The following DHX38 variants were observed in gnomAD, a reference collection of about 807,000 sequenced individuals.
DHX38 encodes DEAH-box helicase 38, also known as pre-mRNA-splicing factor ATP-dependent RNA helicase PRP16.
A neutral mutation model predicts 153.1 loss-of-function variants in DHX38; 100 were observed. That is an observed-to-expected ratio of 0.65 (90% CI 0.56 to 0.77). The LOEUF (loss-of-function observed/expected upper bound fraction) is 0.77. Among genes scored for constraint, DHX38 ranks in the 30% least tolerant of loss-of-function variants. The probability of loss-of-function intolerance (pLI) is 0.00; values close to 1 mark genes in which losing one functional copy is unlikely to be tolerated. For synonymous variants in DHX38, 650 were observed against 631.7 expected, an observed-to-expected ratio of 1.03 and a Z score of -0.43; for missense variants, 1,440 against 1,654.0, an observed-to-expected ratio of 0.87 and a Z score of 2.24.
Position 72,103,919 on chromosome 16 carries a change from C to A in DHX38, c.1825-27C>A, listed in dbSNP as rs926992397. On this transcript the variant is annotated intron_variant, in intron 13 of 26. Transcript: ENST00000268482. Reference sequence around the variant, plus strand: ...GCTGGTGGTGAGCCGGTGGCCAGGGCATCTGAGCCATCTCTCTGACCTCCA... The same window carrying A: ...GCTGGTGGTGAGCCGGTGGCCAGGGAATCTGAGCCATCTCTCTGACCTCCA... 3 of 1,611,210 alleles carry A rather than the reference C, an allele frequency of 1.9e-6. No individual in the cohort carries two copies. The African/African-American group carries it at 4.0e-5, about 21-fold the overall frequency.
At position 72,108,229 on chromosome 16, in the gene DHX38, T is replaced by G; in HGVS notation, c.2967T>G (p.Gly989=). Residue 989 remains glycine, a splice_region_variant and synonymous_variant, in exon 22 of 27, where the codon GGT becomes GGG. Transcript: ENST00000268482. ...GAAGGTTCTTTTTCCCTTCCTAGGG[T>G]CGAGAGGAGGAGAGTGATCAAATCC... ...SVPAIFYRPK[G]REEESDQIRE... is the part of the protein sequence containing the mutation. The G allele has an allele frequency of 6.2e-7, 1 of 1,613,906 alleles. No homozygotes were observed. Among genetic ancestry groups the G allele is most frequent in the Admixed American group, 1.7e-5 (1 of 60,000 alleles).
At chr16:72,098,849 C>T in intron 5 of DHX38, 57 bp downstream of exon 5, 1 of 1,613,238 alleles carries the variant, frequency 6.2e-7, no homozygotes, top group Non-Finnish European at 8.5e-7. Context: ...GGAGCCTCGG[C>T]AGGGAGAGCA....
rs1192459310 is a variant in DHX38 at position 72,104,860 on chromosome 16, C to T, written c.2152-167C>T. ...CTGAAGTACAGGGCCCAGGGAGGCA[C>T]TGTGCCCTCTTGTAGAGGCCTCGCA... is the stretch of plus-strand genomic sequence containing the variant. On this transcript the variant is annotated intron_variant, in intron 15 of 26. Transcript: ENST00000268482. The surrounding 1 kb of genome is among the most constrained non-coding windows in gnomAD (Gnocchi z 4.5). Among the ~76,000 whole-genome samples, 2 of 152,192 alleles carry T rather than the reference C, an allele frequency of 1.3e-5. No individual in the cohort carries two copies. The highest frequency in any genetic ancestry group is 2.9e-5 in the Non-Finnish European group (2 of 68,036).
chr16:72,108,447 C>G (rs766427110), intron 22 of DHX38, 26 bp from the exon 23 acceptor site: 1 of 1,613,888 alleles, frequency 6.2e-7, no homozygotes, highest in South Asian at 1.1e-5. Context: ...AGGGCTCCCT[C>G]CTGGTGCCTC....
intron 25 of DHX38, 47 bp downstream of exon 25, chr16:72,109,557 C>A: frequency 6.4e-7 from 1 of 1,563,266 alleles, no homozygotes; most frequent in South Asian, 1.2e-5. Context: ...CCTGTGGGGT[C>A]GGTGTTCCCT....
intron 25 of DHX38, 128 bp from the exon 26 acceptor site, chr16:72,110,828 A>G: frequency 7.7e-7 from 1 of 1,298,236 alleles, no homozygotes; most frequent in Non-Finnish European, 1.0e-6. Context: ...GTACTGGGGC[A>G]GGCAGCCATG....
Position 72,101,453 on chromosome 16 carries a change from C to T in DHX38, c.1387-47C>T, listed in dbSNP as rs201495201. The T allele has an allele frequency of 9.2e-4, 1,390 of 1,517,234 alleles. 5 individuals are homozygous for T. Among genetic ancestry groups the T allele is most frequent in the South Asian group, 3.0e-3 (251 of 82,908 alleles). The allele number at this position is 1,517,234 out of a possible 1,614,324, so 94.0% of individuals were successfully genotyped here. On this transcript the variant is annotated intron_variant, in intron 10 of 26. Coordinates refer to ENST00000268482, the MANE Select transcript of DHX38 (RefSeq NM_014003.4). ...CCCGTGGGATTGATTTTCCATTGCT[C>T]GCAGTCATGTGGCAGGATGGAGCAG...
At position 72,101,492 on chromosome 16, in the gene DHX38, C is replaced by A. The variant is rs139538251; in HGVS notation, c.1387-8C>A. ...AGGATGGAGCAGACTGACCTTTTTC[C>A]TTTTCAGGCTCAGCACAAACACTGG... On this transcript the variant is annotated splice_region_variant and splice_polypyrimidine_tract_variant and intron_variant, in intron 10 of 26. Transcript: ENST00000268482. 2,969 of 1,551,218 alleles carry A rather than the reference C, an allele frequency of 1.9e-3. 6 individuals are homozygous for A. Among genetic ancestry groups the A allele is most frequent in the Non-Finnish European group, 2.3e-3 (2,663 of 1,146,774 alleles).
In DHX38 at chr16:72,108,464, C is replaced by CTAGG; in HGVS notation, c.3121-8_3121-7insAGGT. On this transcript the variant is annotated splice_polypyrimidine_tract_variant and intron_variant, in intron 22 of 26. Coordinates refer to ENST00000268482, the MANE Select transcript of DHX38 (RefSeq NM_014003.4). The stretch of plus-strand genomic sequence containing the variant: ...GGCTCCCTCCTGGTGCCTCCGTCTC[C>CTAGG]TGCCCTAGGTCCGGGAGGTGCGAGC... 6.2e-7 allele frequency: 1 copy of CTAGG among 1,614,006 alleles called. No homozygotes were observed. The highest frequency in any genetic ancestry group is 8.5e-7 in the Non-Finnish European group (1 of 1,179,868).
chr16:72,112,344 G>T, intron 26 of DHX38, 69 bp from the exon 27 acceptor site: 1 of 1,500,928 alleles, frequency 6.7e-7, no homozygotes. Context: ...CTGGGGCTCT[G>T]CATCCTCCTG....
Position 72,103,119 on chromosome 16 carries a change from C to T in DHX38, c.1545C>T (p.Ala515=), listed in dbSNP as rs1233137714. The T allele has an allele frequency of 6.2e-7, 1 of 1,614,216 alleles. No homozygotes were observed. Among genetic ancestry groups the T allele is most frequent in the East Asian group, 2.2e-5 (1 of 44,884 alleles). Residue 515 remains alanine (A), a synonymous_variant, in exon 12 of 27, where the codon GCC becomes GCT. Coordinates refer to ENST00000268482, the MANE Select transcript of DHX38 (RefSeq NM_014003.4). ...ATCACATGAAGAGAAAGAGCGAAGC[C>T]AGCAGTGAATTTGCAAAGAAGAAGT... ...FADHMKRKSE[A]SSEFAKKKSI...
rs763056494 is a variant in DHX38 at position 72,108,930 on chromosome 16, G to A, written c.3381+5G>A. 4 of 1,596,178 alleles carry A rather than the reference G, an allele frequency of 2.5e-6. No individual in the cohort carries two copies. In the African/African-American group the frequency reaches 4.0e-5, roughly 16 times the overall value. Reference sequence around the variant, plus strand: ...GAGTTGGTCATGACCACCAAGGTGAGTCTTTTCCAAGGCACTTGCATAATG... The same window carrying A: ...GAGTTGGTCATGACCACCAAGGTGAATCTTTTCCAAGGCACTTGCATAATG... On this transcript the variant is annotated splice_donor_5th_base_variant and intron_variant, in intron 24 of 26. Transcript: ENST00000268482.
chr16:72,096,863 G>C lies in DHX38; in HGVS notation c.365G>C (p.Gly122Ala). The change falls in exon 3 of 27, where the codon GGT becomes GCT. Residue 122 changes from glycine to alanine, a missense_variant. Physicochemically the swap from Gly to Ala is moderately conservative, Grantham distance 60 (BLOSUM62 0). This residue lies in a region of DHX38 where 483 missense variants were observed against 465.1 expected (regional missense o/e 1.04). Transcript: ENST00000268482. ...SARVETPSHP[G>A]GVSEEFWERS... ...CGGGTAGAGACTCCATCCCATCCGG[G>C]TGGTGTGAGCGAAGAGTTTTGGGAA... The C allele has an allele frequency of 6.2e-7, 1 of 1,613,932 alleles. No individual in the cohort carries two copies. The highest frequency in any genetic ancestry group is 8.5e-7 in the Non-Finnish European group (1 of 1,179,904).
At chr16:72,111,350 G>T (rs1250260460) in intron 26 of DHX38, among the ~76,000 whole-genome samples, 2 of 152,222 alleles carry the variant, frequency 1.3e-5, no homozygotes, top group Admixed American at 1.3e-4. Flanking sequence ...TGAGCGAGGG[G>T]GTTGGAAACC....
chr16:72,107,581 G>C lies in DHX38; in HGVS notation c.2809+33G>C, dbSNP rs761922681. ...GGCCCCGGGAGCCTCATGGGTGCTG[G>C]CGCTTGACTTCCTTCTTTCCTCTAC... On this transcript the variant is annotated intron_variant, in intron 20 of 26. Transcript: ENST00000268482. The surrounding 1 kb of genome is among the most constrained non-coding windows in gnomAD (Gnocchi z 5.3). 3.7e-5 allele frequency: 60 copies of C among 1,609,370 alleles called. No homozygotes were observed. The highest frequency in any genetic ancestry group is 5.1e-5 in the Non-Finnish European group (60 of 1,176,236).
At position 72,104,279 on chromosome 16, in the gene DHX38, T is replaced by C. The variant is rs1445065168; in HGVS notation, c.2010+148T>C. Reference sequence around the variant, plus strand: ...CTGGTTGCAGTTCAGACTCGGGTTGTAGTTCATGCTGTTCTTGCTCTGCTG... The same window carrying C: ...CTGGTTGCAGTTCAGACTCGGGTTGCAGTTCATGCTGTTCTTGCTCTGCTG... On this transcript the variant is annotated intron_variant, in intron 14 of 26. Coordinates refer to ENST00000268482, the MANE Select transcript of DHX38 (RefSeq NM_014003.4). This position sits in a 1 kb window ranked among gnomAD's most constrained non-coding sequence, Gnocchi z 4.5. The C allele has an allele frequency of 1.7e-6, 2 of 1,205,302 alleles. No homozygotes were observed. Among genetic ancestry groups the C allele is most frequent in the Admixed American group, 2.6e-5 (1 of 38,128 alleles). 74.7% of individuals were successfully genotyped at this position (1,205,302 alleles called of 1,614,324 possible).
chr16:72,105,273 G>A lies in DHX38; in HGVS notation c.2304G>A (p.Glu768=), dbSNP rs146896783. The A allele has an allele frequency of 1.8e-4, 292 of 1,614,196 alleles. 1 individual carries two copies. In the African/African-American group the frequency reaches 2.8e-3, roughly 15 times the overall value. The change falls in exon 17 of 27, where the codon GAG becomes GAA. Residue 768 remains glutamate (E), a synonymous_variant. Coordinates refer to ENST00000268482, the MANE Select transcript of DHX38 (RefSeq NM_014003.4). ...DQIVEHLEEL[E]NAPALAVLPI... Reference sequence around the variant, plus strand: ...TTGTGGAGCATCTGGAGGAACTGGAGAACGCGCCTGCCCTGGCTGTGCTGC... The same window carrying A: ...TTGTGGAGCATCTGGAGGAACTGGAAAACGCGCCTGCCCTGGCTGTGCTGC...
chr16:72,098,518 A>C, intron 4 of DHX38, 127 bp from the exon 5 acceptor site: 2 of 1,196,522 alleles, frequency 1.7e-6, no homozygotes, highest in Non-Finnish European at 2.3e-6. Flanking sequence ...CTTAACCGTT[A>C]TAGATACATG....
intron 1 of DHX38, among the ~76,000 whole-genome samples, chr16:72,094,760 T>G (rs1365831799): frequency 6.6e-6 from 1 of 152,250 alleles, no homozygotes; most frequent in Non-Finnish European, 1.5e-5. Context: ...TAAGTTTAAA[T>G]TAATTCATTT....
Sources: allele counts gnomAD v4.1 joint callset (sites outside exome capture counted in the v4.1 genomes callset), GRCh38; gene constraint gnomAD v4.1.1; regional missense constraint gnomAD v4.1.1; non-coding constraint Gnocchi (gnomAD v3.1); transcripts MANE v1.5; gene names NCBI Gene and HGNC (gene_info 2026-07-23, HGNC 2026-07-21).